The following SPOCK3 variants were observed in gnomAD, a reference collection of about 807,000 sequenced individuals.
The protein encoded by SPOCK3 is testican-3.
Under a neutral mutation model 56.6 loss-of-function variants are expected in SPOCK3, and 30 were observed. The ratio of observed to expected loss-of-function variants is 0.53; its 90% confidence interval spans 0.40 to 0.72. The LOEUF is 0.72. Ranked by LOEUF, SPOCK3 falls within the 30% of genes least tolerant of loss-of-function variation. The probability of loss-of-function intolerance (pLI) is 0.00; values close to 1 mark genes in which losing one functional copy is unlikely to be tolerated. For synonymous variants in SPOCK3, 196 were observed against 183.3 expected (o/e 1.07, Z -0.56); for missense variants, 527 against 530.0 (o/e 0.99, Z 0.06).
intron 6 of SPOCK3, among the ~76,000 whole-genome samples, chr4:166,801,286 G>C (rs1176821237): frequency 6.6e-6 from 1 of 152,044 alleles, no homozygotes; most frequent in Non-Finnish European, 1.5e-5. Context: ...TAGGTATTCG[G>C]TAGCACATCT....
intron 2 of SPOCK3, among the ~76,000 whole-genome samples, chr4:167,071,633 T>TCTATTACTGA (rs1756695989): frequency 1.7e-5 from 2 of 120,522 alleles, no homozygotes; most frequent in African/African-American, 7.6e-5. Flanking sequence ...CTTAATCCAG[T>TCTATTACTGA]TGGGTTGGTC....
intron 2 of SPOCK3, among the ~76,000 whole-genome samples, chr4:167,178,453 T>C (rs1424469572): frequency 7.2e-5 from 11 of 152,166 alleles, no homozygotes; most frequent in Non-Finnish European, 1.2e-4. Context: ...CTGTTGTCCA[T>C]GAAATTACCT....
At chr4:166,934,540 C>T (rs1740173310) in intron 4 of SPOCK3, among the ~76,000 whole-genome samples, 1 of 151,972 alleles carries the variant, frequency 6.6e-6, no homozygotes, top group South Asian at 2.1e-4. Context: ...TTAATATCAC[C>T]ACCCAAAGAT....
chr4:167,156,364 C>A (rs1224268249), intron 2 of SPOCK3, among the ~76,000 whole-genome samples: 2 of 152,124 alleles, frequency 1.3e-5, no homozygotes, highest in Admixed American at 6.6e-5. Context: ...ACTTAGAACG[C>A]TTCCAGATCA....
At chr4:167,130,329 A>C (rs1208963500) in intron 2 of SPOCK3, among the ~76,000 whole-genome samples, 1 of 152,162 alleles carries the variant, frequency 6.6e-6, no homozygotes, top group East Asian at 1.9e-4. Context: ...AAATATATTT[A>C]AATTAGACAT....
chr4:167,127,656 G>A (rs1762390664), intron 2 of SPOCK3, among the ~76,000 whole-genome samples: 1 of 152,122 alleles, frequency 6.6e-6, no homozygotes, highest in African/African-American at 2.4e-5. Context: ...TTGAGCTCCT[G>A]ACCTCAGGAG....
rs1239556810 is a variant in SPOCK3 at position 167,205,390 on chromosome 4, TTTTA to T, written c.189+28591_189+28594del. Among the ~76,000 whole-genome samples, 204 of 42,198 alleles carry T rather than the reference TTTTA, an allele frequency of 4.8e-3. 3 individuals carry two copies. The highest frequency in any genetic ancestry group is 7.4e-3 in the Non-Finnish European group (195 of 26,402). 27.7% of individuals were successfully genotyped at this position (42,198 alleles called of 152,430 possible). ...ATATTTTATATATATAATATATATA[TTTTA>T]TATATAATATATTATATATTAAATA... is the stretch of plus-strand genomic sequence containing the variant. On this transcript the variant is annotated intron_variant, in intron 2 of 10. Transcript: ENST00000357545.
At chr4:167,145,937 C>T (rs1040229212) in intron 2 of SPOCK3, among the ~76,000 whole-genome samples, 3 of 152,076 alleles carry the variant, frequency 2.0e-5, no homozygotes, top group African/African-American at 7.2e-5. Flanking sequence ...ATCACAATGG[C>T]AGGATCAAAT....
At chr4:166,846,181 A>AT (rs1181545040) in intron 6 of SPOCK3, among the ~76,000 whole-genome samples, 1 of 152,156 alleles carries the variant, frequency 6.6e-6, no homozygotes, top group Admixed American at 6.5e-5. Flanking sequence ...AAACGTTGTT[A>AT]TGTGGTACCT....
At position 167,206,062 on chromosome 4, in the gene SPOCK3, G is replaced by A. The variant is rs115835089; in HGVS notation, c.189+27923C>T. On this transcript the variant is annotated intron_variant, in intron 2 of 10. Coordinates refer to ENST00000357545, the MANE Select transcript of SPOCK3 (RefSeq NM_001040159.2). Reference sequence around the variant, plus strand: ...TTCCTATAATTTTAGATTTTTTAAAGAAGTATGTTTATGAACTTTGGGAGG... The same window carrying A: ...TTCCTATAATTTTAGATTTTTTAAAAAAGTATGTTTATGAACTTTGGGAGG... Among the ~76,000 whole-genome samples, 538 of 152,090 alleles carry A rather than the reference G, an allele frequency of 3.5e-3. 2 individuals are homozygous for A. Among genetic ancestry groups the A allele is most frequent in the African/African-American group, 0.012 (500 of 41,486 alleles).
intron 2 of SPOCK3, among the ~76,000 whole-genome samples, chr4:167,203,793 C>T (rs1284114566): frequency 6.6e-6 from 1 of 152,070 alleles, no homozygotes; most frequent in Non-Finnish European, 1.5e-5. Context: ...CAGCTCTACA[C>T]ATATGAGATA....
At chr4:166,803,488 G>C (rs1324649072) in intron 6 of SPOCK3, among the ~76,000 whole-genome samples, 2 of 152,160 alleles carry the variant, frequency 1.3e-5, no homozygotes, top group Non-Finnish European at 2.9e-5. Flanking sequence ...CAAAAAGCAG[G>C]AGCAACTAGG....
chr4:167,127,798 G>A (rs749476259), intron 2 of SPOCK3, among the ~76,000 whole-genome samples: 4 of 152,266 alleles, frequency 2.6e-5, no homozygotes, highest in Non-Finnish European at 5.9e-5. Context: ...ATGATAAATA[G>A]CAAAGATCTG....
At chr4:167,067,495 T>A (rs1561182332) in intron 2 of SPOCK3, among the ~76,000 whole-genome samples, 2 of 151,856 alleles carry the variant, frequency 1.3e-5, no homozygotes, top group Non-Finnish European at 2.9e-5. Context: ...TATGCCCATA[T>A]TCTAAGCAAA....
intron 8 of SPOCK3, among the ~76,000 whole-genome samples, chr4:166,751,724 T>C (rs1736395765): frequency 6.6e-6 from 1 of 152,114 alleles, no homozygotes; most frequent in Admixed American, 6.6e-5. Context: ...GCGTTTTCAA[T>C]AGAATAGCAA....
chr4:167,014,276 GTTTT>G (rs35966501), intron 3 of SPOCK3, among the ~76,000 whole-genome samples: 2 of 138,918 alleles, frequency 1.4e-5, no homozygotes, highest in East Asian at 2.1e-4. Flanking sequence ...TCTTGAGTGG[GTTTT>G]TTTTTTTTTG....
intron 2 of SPOCK3, among the ~76,000 whole-genome samples, chr4:167,066,732 A>G (rs1376990417): frequency 1.3e-5 from 2 of 151,840 alleles, no homozygotes; most frequent in Non-Finnish European, 2.9e-5. Context: ...TACTTATCAT[A>G]TTTAGCTATA....
intron 2 of SPOCK3, among the ~76,000 whole-genome samples, chr4:167,121,784 G>T (rs1044611635): frequency 6.6e-6 from 1 of 152,062 alleles, no homozygotes; most frequent in Non-Finnish European, 1.5e-5. Context: ...AAATATAATT[G>T]CTTTGAACCT....
At chr4:167,044,228 C>G (rs1753507204) in intron 3 of SPOCK3, among the ~76,000 whole-genome samples, 1 of 151,934 alleles carries the variant, frequency 6.6e-6, no homozygotes, top group Non-Finnish European at 1.5e-5. Context: ...TTTGTGGGCA[C>G]AGAGTTGTTC....
Sources: gnomAD v4.1 joint callset for allele counts (sites outside exome capture counted in the v4.1 genomes callset) on GRCh38, gnomAD v4.1.1 for gene constraint, MANE v1.5 for transcripts, NCBI Gene and HGNC (gene_info 2026-07-23, HGNC 2026-07-21) for gene names.